The following SLC39A11 variants were observed in gnomAD, a reference collection of about 807,000 sequenced individuals.
SLC39A11 encodes zinc transporter ZIP11.
SLC39A11 carries 33 observed loss-of-function variants against 36.1 expected under a neutral mutation model. That is an observed-to-expected ratio of 0.91 (90% CI 0.69 to 1.22). SLC39A11 has a LOEUF of 1.22. SLC39A11 is among the 50% of genes most tolerant of loss of function. SLC39A11 has a pLI of 0.00. For missense variants in SLC39A11, 432 were observed against 430.3 expected, an observed-to-expected ratio of 1.00 and a Z score of -0.03; for synonymous variants, 166 against 170.3, an observed-to-expected ratio of 0.97 and a Z score of 0.20.
chr17:72,999,551 G>A (rs1568096611), intron 4 of SLC39A11, among the ~76,000 whole-genome samples: 2 of 152,160 alleles, frequency 1.3e-5, no homozygotes, highest in African/African-American at 2.4e-5. Flanking sequence ...TATATTTGGA[G>A]ATAATTTCAT....
chr17:72,740,455 CTG>C (rs1208665222), intron 6 of SLC39A11, among the ~76,000 whole-genome samples: 2 of 152,150 alleles, frequency 1.3e-5, no homozygotes, highest in Non-Finnish European at 2.9e-5. Context: ...TTTATGTTGT[CTG>C]TTTATAAAGA....
chr17:73,062,241 C>T (rs937644891), intron 3 of SLC39A11, among the ~76,000 whole-genome samples: 1 of 151,686 alleles, frequency 6.6e-6, no homozygotes, highest in African/African-American at 2.4e-5. Flanking sequence ...AGGCAGATCA[C>T]ATGAGCTCAC....
intron 7 of SLC39A11, among the ~76,000 whole-genome samples, chr17:72,687,433 T>C (rs1309926264): frequency 3.3e-5 from 5 of 152,138 alleles, no homozygotes; most frequent in Admixed American, 6.5e-5. Flanking sequence ...TTAGTAGAGA[T>C]GGGGTTTCAC....
At chr17:72,767,215 G>A (rs548052068) in intron 6 of SLC39A11, among the ~76,000 whole-genome samples, 20 of 152,270 alleles carry the variant, frequency 1.3e-4, no homozygotes, top group Non-Finnish European at 2.5e-4. Flanking sequence ...CTTCATTACT[G>A]TTGGAACTGC....
intron 7 of SLC39A11, among the ~76,000 whole-genome samples, chr17:72,730,917 A>T (rs140443841): frequency 6.6e-6 from 1 of 152,138 alleles, no homozygotes; most frequent in East Asian, 1.9e-4. Context: ...CGTCCGGCGA[A>T]TTTTTTGTAT....
intron 6 of SLC39A11, among the ~76,000 whole-genome samples, chr17:72,816,192 T>A (rs2077577495): frequency 6.6e-6 from 1 of 152,200 alleles, no homozygotes; most frequent in Non-Finnish European, 1.5e-5. Context: ...TAGAGTGTCC[T>A]TTCAGCTCCA....
chr17:73,084,691 T>C, intron 3 of SLC39A11, 117 bp downstream of exon 3: 1 of 923,348 alleles, frequency 1.1e-6, no homozygotes. Flanking sequence ...TGTTAGTGCC[T>C]GAGGAACACA....
At chr17:72,769,848 A>AT (rs1403723631) in intron 6 of SLC39A11, among the ~76,000 whole-genome samples, 2 of 152,066 alleles carry the variant, frequency 1.3e-5, no homozygotes, top group Non-Finnish European at 2.9e-5. Context: ...GGCATATCTG[A>AT]TTGCCTCCTT....
intron 5 of SLC39A11, among the ~76,000 whole-genome samples, chr17:72,851,985 G>A (rs868644948): frequency 6.6e-6 from 1 of 151,788 alleles, no homozygotes; most frequent in East Asian, 1.9e-4. Context: ...GGCGGATCAT[G>A]AGGTCAGGAG....
intron 6 of SLC39A11, among the ~76,000 whole-genome samples, chr17:72,847,732 A>G (rs2079116434): frequency 6.6e-6 from 1 of 152,210 alleles, no homozygotes; most frequent in Non-Finnish European, 1.5e-5. Flanking sequence ...GTGCAAGCAA[A>G]ACAATATCAA....
chr17:73,037,379 G>C (rs182138094), intron 3 of SLC39A11, among the ~76,000 whole-genome samples: 2 of 152,340 alleles, frequency 1.3e-5, no homozygotes, highest in Admixed American at 1.3e-4. Flanking sequence ...TCTGGGTGTA[G>C]TGACATATGA....
Position 72,799,105 on chromosome 17 carries a change from C to T in SLC39A11, c.601+50529G>A, listed in dbSNP as rs559409740. Among the ~76,000 whole-genome samples, 6 of 152,216 alleles carry T rather than the reference C, an allele frequency of 3.9e-5. No individual in the cohort carries two copies. The East Asian group carries it at 9.7e-4, about 25-fold the overall frequency. Reference sequence around the variant, plus strand: ...TGTATGGTTGCATGCATGTCTGTTGCAGGAAGTCAGGGACCCCAAACGGAG... The same window carrying T: ...TGTATGGTTGCATGCATGTCTGTTGTAGGAAGTCAGGGACCCCAAACGGAG... On this transcript the variant is annotated intron_variant, in intron 6 of 9. Transcript: ENST00000255559.
intron 3 of SLC39A11, among the ~76,000 whole-genome samples, chr17:73,054,306 G>C (rs895713900): frequency 2.6e-5 from 4 of 151,250 alleles, no homozygotes; most frequent in African/African-American, 9.7e-5. Flanking sequence ...AGGTTGCAGT[G>C]AGCCAAGATC....
intron 3 of SLC39A11, among the ~76,000 whole-genome samples, chr17:73,071,089 C>A (rs1568225329): frequency 6.6e-6 from 1 of 152,102 alleles, no homozygotes; most frequent in Admixed American, 6.5e-5. Context: ...CTAGGTGATT[C>A]TAATGTGCAG....
intron 7 of SLC39A11, among the ~76,000 whole-genome samples, chr17:72,700,160 C>A (rs1358063392): frequency 1.3e-5 from 2 of 152,174 alleles, no homozygotes; most frequent in African/African-American, 4.8e-5. Flanking sequence ...GGGAGATGGG[C>A]AAAGTTTGGG....
At chr17:72,942,920 T>C (rs1216085868) in intron 5 of SLC39A11, among the ~76,000 whole-genome samples, 4 of 152,160 alleles carry the variant, frequency 2.6e-5, no homozygotes, top group Non-Finnish European at 5.9e-5. Flanking sequence ...AGAGAAACCG[T>C]TCCCAGTCAA....
chr17:73,001,812 C>T (rs2089839595), intron 4 of SLC39A11, among the ~76,000 whole-genome samples: 2 of 152,288 alleles, frequency 1.3e-5, no homozygotes, highest in South Asian at 4.1e-4. Flanking sequence ...TCAGAGCCCA[C>T]AGGTCCCCTG....
chr17:72,822,714 TTTTTCTTTCTTTC>T (rs1223583089), intron 6 of SLC39A11, among the ~76,000 whole-genome samples: 7 of 150,806 alleles, frequency 4.6e-5, no homozygotes, highest in Admixed American at 2.6e-4. Context: ...CCCTAAACTT[TTTTTCTTTCTTTC>T]TTTTCTTTCT....
At chr17:72,648,648 G>C (rs1404156135) in intron 9 of SLC39A11, among the ~76,000 whole-genome samples, 155 bp downstream of exon 9, 1 of 151,998 alleles carries the variant, frequency 6.6e-6, no homozygotes, top group Non-Finnish European at 1.5e-5. Context: ...GTTTCAGAGA[G>C]CACAGTTGAG....
Sources: gnomAD v4.1 joint callset for allele counts (sites outside exome capture counted in the v4.1 genomes callset) on GRCh38, gnomAD v4.1.1 for gene constraint, MANE v1.5 for transcripts, NCBI Gene and HGNC (gene_info 2026-07-23, HGNC 2026-07-21) for gene names.